The following OTULINL variants were observed in gnomAD, a reference collection of about 807,000 sequenced individuals.
OTULINL encodes OTU deubiquitinase with linear linkage specificity like.
OTULINL carries 42 observed loss-of-function variants against 43.9 expected under a neutral mutation model. The ratio of observed to expected loss-of-function variants is 0.96; its 90% CI spans 0.75 to 1.24. The LOEUF is 1.24. OTULINL is among the 50% of genes most tolerant of loss of function. The probability of loss-of-function intolerance (pLI) is 0.00; values close to 1 mark genes in which losing one functional copy is unlikely to be tolerated. For missense variants in OTULINL, 411 were observed against 426.4 expected, an observed-to-expected ratio of 0.96 and a Z score of 0.32; for synonymous variants, 172 against 153.6, an observed-to-expected ratio of 1.12 and a Z score of -0.88.
chr5:14,601,494 C>A (rs1340142168), intron 4 of OTULINL, 52 bp downstream of exon 4: 2 of 1,489,870 alleles, frequency 1.3e-6, no homozygotes, highest in Non-Finnish European at 1.9e-6. Context: ...CTGTCAAAAT[C>A]AGGAAACAAA....
intron 1 of OTULINL, among the ~76,000 whole-genome samples, chr5:14,587,231 C>T (rs1030901386): frequency 2.0e-5 from 3 of 152,178 alleles, no homozygotes; most frequent in African/African-American, 7.2e-5. Flanking sequence ...GACGAGAAGG[C>T]CTCAACTTGC....
intron 1 of OTULINL, among the ~76,000 whole-genome samples, chr5:14,587,968 C>T (rs2126770273): frequency 6.6e-6 from 1 of 152,280 alleles, no homozygotes; most frequent in Admixed American, 6.5e-5. Flanking sequence ...AGCTGATTAC[C>T]ACCATGGAGG....
intron 1 of OTULINL, among the ~76,000 whole-genome samples, chr5:14,582,849 A>G (rs1188482381): frequency 6.8e-6 from 1 of 147,962 alleles, no homozygotes; most frequent in African/African-American, 2.5e-5. Context: ...ATCACCCGAC[A>G]AGGGCAGCAG....
chr5:14,588,276 G>A (rs933808198), intron 1 of OTULINL, among the ~76,000 whole-genome samples: 1 of 152,222 alleles, frequency 6.6e-6, no homozygotes, highest in Admixed American at 6.5e-5. Context: ...AGAATGAAGG[G>A]AAATGGCAGT....
intron 5 of OTULINL, among the ~76,000 whole-genome samples, chr5:14,605,501 A>C (rs1326255523): frequency 6.6e-6 from 1 of 152,184 alleles, no homozygotes; most frequent in Non-Finnish European, 1.5e-5. Flanking sequence ...GCTTCTCATT[A>C]GTTACGCAAA....
intron 5 of OTULINL, among the ~76,000 whole-genome samples, chr5:14,606,675 C>T (rs907306475): frequency 4.6e-5 from 7 of 152,166 alleles, no homozygotes; most frequent in African/African-American, 1.7e-4. Context: ...CCACAGAGTG[C>T]ATCATTCTAA....
intron 1 of OTULINL, among the ~76,000 whole-genome samples, chr5:14,595,981 T>C (rs760363506): frequency 3.3e-5 from 5 of 152,170 alleles, no homozygotes; most frequent in African/African-American, 7.2e-5. Context: ...AAAAGAAATT[T>C]CATGTTTTTG....
At chr5:14,607,717 A>G (rs184544953) in intron 6 of OTULINL, among the ~76,000 whole-genome samples, 108 of 152,288 alleles carry the variant, frequency 7.1e-4, no homozygotes, top group African/African-American at 2.5e-3. Context: ...AACCTTACCA[A>G]TCATGTACCT....
intron 1 of OTULINL, among the ~76,000 whole-genome samples, chr5:14,582,878 T>G (rs1023594882): frequency 3.8e-4 from 57 of 148,592 alleles, no homozygotes; most frequent in African/African-American, 1.4e-3. Context: ...GGGAGTTCAG[T>G]CAGGTGCTGG....
Position 14,613,730 on chromosome 5 carries a change from C to A in OTULINL, c.*3416C>A, listed in dbSNP as rs1432788779. 1.3e-5 allele frequency among the ~76,000 whole-genome samples: 2 copies of A among 152,292 alleles called. No homozygotes were observed. The highest frequency in any genetic ancestry group is 3.9e-4 in the East Asian group (2 of 5,190). ...AAGTCATTTCCACCCAAGGGAGAGT[C>A]AGGTGAAAGTCCCCAGGGCCCTCTC... is the stretch of plus-strand genomic sequence containing the variant. On this transcript the variant is annotated 3_prime_UTR_variant, in exon 8 of 8. Coordinates refer to ENST00000274217, the MANE Select transcript of OTULINL (RefSeq NM_019018.3).
intron 1 of OTULINL, among the ~76,000 whole-genome samples, chr5:14,599,808 ACT>A (rs1236665878): frequency 6.6e-5 from 10 of 152,098 alleles, no homozygotes; most frequent in Admixed American, 2.0e-4. Flanking sequence ...CACTGTTTGA[ACT>A]CTCTAGTCCT....
At position 14,613,958 on chromosome 5, in the gene OTULINL, C is replaced by G. The variant is rs1279831491; in HGVS notation, c.*3644C>G. Among the ~76,000 whole-genome samples the G allele has an allele frequency of 6.6e-6, 1 of 152,122 alleles. No homozygotes were observed. The highest frequency in any genetic ancestry group is 1.9e-4 in the East Asian group (1 of 5,200). On this transcript the variant is annotated 3_prime_UTR_variant, in exon 8 of 8. Coordinates refer to ENST00000274217, the MANE Select transcript of OTULINL (RefSeq NM_019018.3). ...AAAGAAAGACAATTTTAATTGTGTC[C>G]AAGCTGACTTTTTTGAATGCTCTGG...
At chr5:14,603,474 A>C (rs957859814) in intron 5 of OTULINL, among the ~76,000 whole-genome samples, 1 of 152,192 alleles carries the variant, frequency 6.6e-6, no homozygotes, top group African/African-American at 2.4e-5. Context: ...CAGTTGTTTC[A>C]CATTCTCACC....
chr5:14,584,186 T>A (rs1759065927), intron 1 of OTULINL, among the ~76,000 whole-genome samples: 1 of 152,208 alleles, frequency 6.6e-6, no homozygotes, highest in African/African-American at 2.4e-5. Flanking sequence ...CACCCCACAC[T>A]CTTCCTTGCT....
chr5:14,600,610 A>G (rs1472549403), intron 1 of OTULINL, among the ~76,000 whole-genome samples: 1 of 152,192 alleles, frequency 6.6e-6, no homozygotes, highest in Non-Finnish European at 1.5e-5. Context: ...CTCATTGTAC[A>G]GTCAAGAAAA....
chr5:14,612,739 T>C lies in OTULINL; in HGVS notation c.*2425T>C, dbSNP rs1003567997. On this transcript the variant is annotated 3_prime_UTR_variant, in exon 8 of 8. Transcript: ENST00000274217. ...ATTTAAATGTCTTTCTAACCGTATATGTTTTAAATGGTGAGAGAACTATAG... is the reference window on the plus strand; with the variant it reads ...ATTTAAATGTCTTTCTAACCGTATACGTTTTAAATGGTGAGAGAACTATAG... 6.6e-6 allele frequency: 1 copy of C among 152,168 alleles called. No homozygotes were observed. The highest frequency in any genetic ancestry group is 2.4e-5 in the African/African-American group (1 of 41,442). 9.4% of individuals were successfully genotyped at this position (152,168 alleles called of 1,614,324 possible). A position where few individuals can be genotyped will look rare whatever the true frequency, so the allele number is the denominator to read the frequency against.
chr5:14,609,570 G>A (rs1041004071), intron 7 of OTULINL, among the ~76,000 whole-genome samples: 3 of 151,224 alleles, frequency 2.0e-5, no homozygotes, highest in African/African-American at 7.3e-5. Flanking sequence ...TTTTTATCAT[G>A]AGTGTTCTTT....
At position 14,615,842 on chromosome 5, in the gene OTULINL, G is replaced by A. The variant is rs530216704; in HGVS notation, c.*5528G>A. Among the ~76,000 whole-genome samples, 26 of 152,312 alleles carry A rather than the reference G, an allele frequency of 1.7e-4. 1 individual carries two copies. In the South Asian group the frequency reaches 5.0e-3, roughly 29 times the overall value. On this transcript the variant is annotated 3_prime_UTR_variant, in exon 8 of 8. Transcript: ENST00000274217. ...GAGACCAGTTAGATTAGTAGTTGCAGTTGAGACCATTCCTCCTGTATGTCT... is the reference window on the plus strand; with the variant it reads ...GAGACCAGTTAGATTAGTAGTTGCAATTGAGACCATTCCTCCTGTATGTCT...
intron 1 of OTULINL, among the ~76,000 whole-genome samples, chr5:14,594,715 G>A (rs1189718982): frequency 6.6e-6 from 1 of 152,170 alleles, no homozygotes; most frequent in Non-Finnish European, 1.5e-5. Context: ...CCTCTGTACA[G>A]CACTTCCTGC....
Sources: gnomAD v4.1 joint callset for allele counts (sites outside exome capture counted in the v4.1 genomes callset) on GRCh38, gnomAD v4.1.1 for gene constraint, MANE v1.5 for transcripts, NCBI Gene and HGNC (gene_info 2026-07-23, HGNC 2026-07-21) for gene names.